EXT1: variants seen among roughly 807,000 people sequenced by gnomAD.
The protein encoded by EXT1 is exostosin-1.
EXT1 carries 20 observed loss-of-function variants against 82.5 expected under a neutral mutation model. That is an observed-to-expected ratio of 0.24 (90% CI 0.17 to 0.35). EXT1 has a LOEUF of 0.35. Ranked by LOEUF, EXT1 falls within the 10% of genes least tolerant of loss-of-function variation. EXT1 has a pLI of 1.00. For synonymous variants in EXT1, 348 were observed against 350.8 expected, an observed-to-expected ratio of 0.99 and a Z score of 0.09; for missense variants, 757 against 936.5, an observed-to-expected ratio of 0.81 and a Z score of 2.50.
chr8:118,077,866 T>C (rs544591258), intron 1 of EXT1, among the ~76,000 whole-genome samples: 354 of 75,100 alleles, frequency 4.7e-3, no homozygotes, highest in Non-Finnish European at 7.2e-3. Flanking sequence ...ACAGCCTATA[T>C]TATAATTTCG....
chr8:118,022,839 G>A (rs1365352027), intron 1 of EXT1, among the ~76,000 whole-genome samples: 1 of 152,168 alleles, frequency 6.6e-6, no homozygotes, highest in Non-Finnish European at 1.5e-5. Flanking sequence ...ATCATTTATG[G>A]AGGTAATGCC....
intron 1 of EXT1, among the ~76,000 whole-genome samples, chr8:118,017,324 A>C (rs1816021705): frequency 6.6e-6 from 1 of 152,186 alleles, no homozygotes; most frequent in South Asian, 2.1e-4. Flanking sequence ...TTAAACAACA[A>C]ATCTCACTTT....
intron 1 of EXT1, among the ~76,000 whole-genome samples, chr8:118,087,303 C>T (rs1398345765): frequency 6.6e-6 from 1 of 152,174 alleles, no homozygotes; most frequent in Non-Finnish European, 1.5e-5. Context: ...TGCTACAAAA[C>T]CATTGAATCG....
At chr8:118,074,072 C>T (rs772259691) in intron 1 of EXT1, among the ~76,000 whole-genome samples, 25 of 151,356 alleles carry the variant, frequency 1.7e-4, no homozygotes, top group Non-Finnish European at 3.4e-4. Flanking sequence ...AAAGGCAAAA[C>T]CGGAATGGGG....
intron 1 of EXT1, among the ~76,000 whole-genome samples, chr8:118,046,339 G>A (rs1816622526): frequency 6.6e-6 from 1 of 152,132 alleles, no homozygotes; most frequent in Non-Finnish European, 1.5e-5. Flanking sequence ...GAAAGCTTCA[G>A]GCAACGCACA....
At chr8:117,831,312 A>G (rs547979711) in intron 3 of EXT1, among the ~76,000 whole-genome samples, 9 of 152,364 alleles carry the variant, frequency 5.9e-5, no homozygotes, top group African/African-American at 1.9e-4. Context: ...TGATGATTAT[A>G]TAAGTGCTTA....
intron 1 of EXT1, among the ~76,000 whole-genome samples, chr8:117,987,245 T>G (rs1270318402): frequency 6.6e-6 from 1 of 152,240 alleles, no homozygotes; most frequent in African/African-American, 2.4e-5. Context: ...GGTCCTGTTT[T>G]GATGGCCAAC....
In EXT1 at chr8:117,941,123, G is replaced by A. The variant is rs547033861; in HGVS notation, c.963-103922C>T. On this transcript the variant is annotated intron_variant, in intron 1 of 10. Transcript: ENST00000378204. ...AATTCTCTCAATAAGTCACTTGCAT[G>A]AGAAACCCCGTCTCGGGACTCCTCT... Among the ~76,000 whole-genome samples, 3 of 152,292 alleles carry A rather than the reference G, an allele frequency of 2.0e-5. No individual in the cohort carries two copies. In the East Asian group the frequency reaches 5.8e-4, roughly 29 times the overall value.
intron 1 of EXT1, among the ~76,000 whole-genome samples, chr8:118,055,619 G>A (rs910244906): frequency 6.6e-6 from 1 of 152,182 alleles, no homozygotes; most frequent in Non-Finnish European, 1.5e-5. Flanking sequence ...TTCCAGGACA[G>A]ATGGCTGGTC....
chr8:118,031,054 C>G (rs1464464632), intron 1 of EXT1, among the ~76,000 whole-genome samples: 1 of 152,010 alleles, frequency 6.6e-6, no homozygotes, highest in African/African-American at 2.4e-5. Flanking sequence ...CCATGTGTAC[C>G]CTAGTTGAGA....
At chr8:117,881,003 G>C (rs977770931) in intron 1 of EXT1, among the ~76,000 whole-genome samples, 1 of 151,798 alleles carries the variant, frequency 6.6e-6, no homozygotes, top group African/African-American at 2.4e-5. Context: ...CTCTTGTTTT[G>C]GATTAGGTGT....
At chr8:117,888,526 C>T (rs1813188707) in intron 1 of EXT1, among the ~76,000 whole-genome samples, 1 of 152,074 alleles carries the variant, frequency 6.6e-6, no homozygotes, top group African/African-American at 2.4e-5. Context: ...CTAGAAAGGA[C>T]AACATGGGTT....
intron 1 of EXT1, among the ~76,000 whole-genome samples, chr8:118,057,256 T>G (rs192678869): frequency 1.4e-3 from 212 of 152,348 alleles, no homozygotes; most frequent in Non-Finnish European, 1.4e-3. Flanking sequence ...AAAGGCAGTC[T>G]TGGCCAGGCG....
intron 1 of EXT1, among the ~76,000 whole-genome samples, chr8:117,883,633 C>A (rs1684929348): frequency 6.6e-6 from 1 of 152,220 alleles, no homozygotes; most frequent in Admixed American, 6.5e-5. Flanking sequence ...ACCTTCATAG[C>A]AGGCAAACAG....
intron 1 of EXT1, among the ~76,000 whole-genome samples, chr8:117,936,975 T>C (rs1359584517): frequency 2.6e-5 from 4 of 152,192 alleles, no homozygotes; most frequent in Non-Finnish European, 5.9e-5. Context: ...GATTAACCCA[T>C]TCAACACAGC....
At chr8:118,044,047 C>T (rs1266644948) in intron 1 of EXT1, among the ~76,000 whole-genome samples, 1 of 152,204 alleles carries the variant, frequency 6.6e-6, no homozygotes, top group East Asian at 1.9e-4. Context: ...AAAAATTCTG[C>T]TTTGCCAGTG....
chr8:117,868,115 CT>C (rs1812806251), intron 1 of EXT1, among the ~76,000 whole-genome samples: 1 of 152,194 alleles, frequency 6.6e-6, no homozygotes, highest in Non-Finnish European at 1.5e-5. Flanking sequence ...TTCATTCATT[CT>C]TTTCTCCAAG....
chr8:118,076,667 T>G (rs1817218102), intron 1 of EXT1, among the ~76,000 whole-genome samples: 1 of 152,232 alleles, frequency 6.6e-6, no homozygotes, highest in East Asian at 1.9e-4. Context: ...CAATAGTAAG[T>G]GAGCTCCTAT....
In EXT1 at chr8:117,899,672, T is replaced by C. The variant is rs117827754; in HGVS notation, c.963-62471A>G. 1.4e-3 allele frequency among the ~76,000 whole-genome samples: 214 copies of C among 152,300 alleles called. 4 individuals are homozygous for C. The East Asian group carries it at 0.037, about 26-fold the overall frequency. ...ATCCAACTAGAGGGGTGGGGGAAAC[T>C]GAAGATTACATCTCAAAGGCCCTCA... On this transcript the variant is annotated intron_variant, in intron 1 of 10. Coordinates refer to ENST00000378204, the MANE Select transcript of EXT1 (RefSeq NM_000127.3).
Sources: gnomAD v4.1 joint callset for allele counts (sites outside exome capture counted in the v4.1 genomes callset) on GRCh38, gnomAD v4.1.1 for gene constraint, MANE v1.5 for transcripts, NCBI Gene and HGNC (gene_info 2026-07-23, HGNC 2026-07-21) for gene names.